Variants in PCDHGB7 observed in about 807,000 individuals in gnomAD.
PCDHGB7 encodes the protein protocadherin gamma subfamily B, 7.
A neutral mutation model predicts 61.4 loss-of-function variants in PCDHGB7; 37 were observed. The ratio of observed to expected loss-of-function variants is 0.60; its 90% confidence interval spans 0.46 to 0.79. The LOEUF is 0.79. Among genes scored for constraint, PCDHGB7 ranks in the 30% least tolerant of loss-of-function variants. PCDHGB7 has a pLI of 0.00. For missense variants in PCDHGB7, 1,166 were observed against 1,202.5 expected (o/e 0.97, Z 0.45); for synonymous variants, 464 against 503.5 (o/e 0.92, Z 1.05).
intron 1 of PCDHGB7, among the ~76,000 whole-genome samples, chr5:141,463,191 C>T (rs2099054821): frequency 6.6e-6 from 1 of 152,100 alleles, no homozygotes; most frequent in Non-Finnish European, 1.5e-5. Flanking sequence ...TATTATTTAG[C>T]CAAAGACTTG....
intron 1 of PCDHGB7, among the ~76,000 whole-genome samples, chr5:141,447,450 C>G (rs540357899): frequency 1.3e-5 from 2 of 152,082 alleles, no homozygotes; most frequent in African/African-American, 2.4e-5. Context: ...AATTTTTAAC[C>G]TCAGTTTTTC....
Position 141,431,614 on chromosome 5 carries a change from C to G in PCDHGB7, c.2415+11340C>G. ...TGAGGTATTCCTTCCGGTATGTGGACGACAAGGCGGCCCAAGTTTTCAAAC... is the reference window on the plus strand; with the variant it reads ...TGAGGTATTCCTTCCGGTATGTGGAGGACAAGGCGGCCCAAGTTTTCAAAC... On this transcript the variant is annotated intron_variant, in intron 1 of 3. Coordinates refer to ENST00000398594, the MANE Select transcript of PCDHGB7 (RefSeq NM_018927.4). This position sits in a 1 kb window ranked among gnomAD's most constrained non-coding sequence, Gnocchi z 4.8. 6.2e-7 allele frequency: 1 copy of G among 1,614,206 alleles called. No homozygotes were observed. The highest frequency in any genetic ancestry group is 1.1e-5 in the South Asian group (1 of 91,092).
At position 141,489,505 on chromosome 5, in the gene PCDHGB7, A is replaced by G. The variant is rs1198371307; in HGVS notation, c.2416-5302A>G. On this transcript the variant is annotated intron_variant, in intron 1 of 3. Transcript: ENST00000398594. The surrounding 1 kb of genome is among the most constrained non-coding windows in gnomAD (Gnocchi z 4.5). ...GAGTGGTGCCCTGGCAGTGAATCAA[A>G]AGATTGACCGAGAAAGCCTATGTGG... The G allele has an allele frequency of 1.9e-6, 3 of 1,613,972 alleles. No homozygotes were observed. The Admixed American group carries it at 5.0e-5, about 27-fold the overall frequency.
rs199625514 is a variant in PCDHGB7 at position 141,485,144 on chromosome 5, G to C, written c.2416-9663G>C. The C allele has an allele frequency of 6.4e-7, 1 of 1,564,190 alleles. No homozygotes were observed. Among genetic ancestry groups the C allele is most frequent in the African/African-American group, 1.4e-5 (1 of 74,034 alleles). ...CGGGTCGGCTTCATCCGCGTCTCAG[G>C]AGCAAGTAGAGAATTAGCGGGCGGC... On this transcript the variant is annotated intron_variant, in intron 1 of 3. Coordinates refer to ENST00000398594, the MANE Select transcript of PCDHGB7 (RefSeq NM_018927.4). The surrounding 1 kb of genome is among the most constrained non-coding windows in gnomAD (Gnocchi z 5.7).
intron 2 of PCDHGB7, among the ~76,000 whole-genome samples, chr5:141,498,792 G>A (rs1217057199): frequency 2.6e-5 from 4 of 152,086 alleles, no homozygotes; most frequent in Admixed American, 2.6e-4. Context: ...TATTAGCCAG[G>A]TGTGGTGGTG....
chr5:141,510,239 C>T (rs2099880022), intron 3 of PCDHGB7, among the ~76,000 whole-genome samples: 1 of 150,434 alleles, frequency 6.6e-6, no homozygotes, highest in Non-Finnish European at 1.5e-5. Flanking sequence ...CGCCACTGCA[C>T]TCCAGGCTGG....
chr5:141,452,533 A>G lies in PCDHGB7; in HGVS notation c.2415+32259A>G, dbSNP rs562306062. ...CACACTCCCTCAAAATCGTGAGTTC[A>G]TATTGATACCTCCAGTTCTGGTTCT... On this transcript the variant is annotated intron_variant, in intron 1 of 3. Transcript: ENST00000398594. Among the ~76,000 whole-genome samples the G allele has an allele frequency of 2.0e-5, 3 of 152,328 alleles. No individual in the cohort carries two copies. The East Asian group carries it at 5.8e-4, about 29-fold the overall frequency.
At position 141,477,272 on chromosome 5, in the gene PCDHGB7, C is replaced by G. The variant is rs2099408579; in HGVS notation, c.2416-17535C>G. The G allele has an allele frequency of 1.2e-6, 2 of 1,614,090 alleles. No homozygotes were observed. The highest frequency in any genetic ancestry group is 1.7e-6 in the Non-Finnish European group (2 of 1,180,048). Reference sequence around the variant, plus strand: ...TGACCTGGATGCTGGCGAGAACGGGCTGGTGACCTGCGAAGTTCCACCGGG... The same window carrying G: ...TGACCTGGATGCTGGCGAGAACGGGGTGGTGACCTGCGAAGTTCCACCGGG... On this transcript the variant is annotated intron_variant, in intron 1 of 3. Coordinates refer to ENST00000398594, the MANE Select transcript of PCDHGB7 (RefSeq NM_018927.4). This position sits in a 1 kb window ranked among gnomAD's most constrained non-coding sequence, Gnocchi z 4.9.
chr5:141,450,733 C>T (rs886761152), intron 1 of PCDHGB7, among the ~76,000 whole-genome samples: 24 of 152,198 alleles, frequency 1.6e-4, no homozygotes, highest in African/African-American at 5.3e-4. Context: ...GTGATCCGCC[C>T]GCCTTGGCCT....
chr5:141,494,781 C>T, intron 1 of PCDHGB7, 26 bp from the exon 2 acceptor site: 1 of 1,614,074 alleles, frequency 6.2e-7, no homozygotes, highest in African/African-American at 1.3e-5. Flanking sequence ...GGGTACTCAG[C>T]CCCTTTCCCT....
In PCDHGB7 at chr5:141,490,795, C is replaced by A; in HGVS notation, c.2416-4012C>A. The A allele has an allele frequency of 1.3e-5, 21 of 1,614,036 alleles. No homozygotes were observed. Among genetic ancestry groups the A allele is most frequent in the Non-Finnish European group, 1.8e-5 (21 of 1,179,922 alleles). On this transcript the variant is annotated intron_variant, in intron 1 of 3. Coordinates refer to ENST00000398594, the MANE Select transcript of PCDHGB7 (RefSeq NM_018927.4). This position sits in a 1 kb window ranked among gnomAD's most constrained non-coding sequence, Gnocchi z 5.4. ...CCCAGAGGATGGACGGATCTTTGCC[C>A]AGCGTACCTTTGACTATGAATTGCT...
chr5:141,434,027 G>A (rs887125944), intron 1 of PCDHGB7, among the ~76,000 whole-genome samples: 3 of 152,130 alleles, frequency 2.0e-5, no homozygotes, highest in Non-Finnish European at 2.9e-5. Flanking sequence ...GATTCTGGAA[G>A]CATGGTTTTC....
At chr5:141,451,832 G>A (rs1190124133) in intron 1 of PCDHGB7, among the ~76,000 whole-genome samples, 1 of 150,948 alleles carries the variant, frequency 6.6e-6, no homozygotes, top group Non-Finnish European at 1.5e-5. Context: ...AGTGAGCCGA[G>A]ATCACACCAC....
chr5:141,448,565 AT>A (rs2098595794), intron 1 of PCDHGB7, among the ~76,000 whole-genome samples: 1 of 152,070 alleles, frequency 6.6e-6, no homozygotes, highest in Non-Finnish European at 1.5e-5. Flanking sequence ...ATATATTTTT[AT>A]TTCCCCATTT....
rs118080774 is a variant in PCDHGB7, at chr5:141,422,026, G to A, written c.2415+1752G>A. On this transcript the variant is annotated intron_variant, in intron 1 of 3. Coordinates refer to ENST00000398594, the MANE Select transcript of PCDHGB7 (RefSeq NM_018927.4). ...CGGAACTCGGGTGCTGATGGTTAAT[G>A]CAACGGATCCAGACGAGGGAATCAA... 69 of 1,611,394 alleles carry A rather than the reference G, an allele frequency of 4.3e-5. No individual in the cohort carries two copies. The East Asian group carries it at 1.4e-3, about 32-fold the overall frequency.
chr5:141,433,328 G>C, intron 1 of PCDHGB7: 1 of 724,580 alleles, frequency 1.4e-6, no homozygotes, highest in Non-Finnish European at 2.3e-6. Context: ...GGTGTAACAG[G>C]GACTACAGGT....
At chr5:141,434,698 A>G (rs2097710714) in intron 1 of PCDHGB7, among the ~76,000 whole-genome samples, 1 of 152,070 alleles carries the variant, frequency 6.6e-6, no homozygotes, top group South Asian at 2.1e-4. Context: ...GTTAATAAAT[A>G]TGTGGGTAAA....
At chr5:141,460,536 G>T (rs911670681) in intron 1 of PCDHGB7, among the ~76,000 whole-genome samples, 1 of 152,092 alleles carries the variant, frequency 6.6e-6, no homozygotes, top group African/African-American at 2.4e-5. Context: ...AATAATCTTA[G>T]CACCTTAATC....
intron 3 of PCDHGB7, 56 bp from the exon 4 acceptor site, chr5:141,510,891 G>A (rs945706652): frequency 8.7e-6 from 14 of 1,612,762 alleles, no homozygotes; most frequent in Middle Eastern, 1.6e-4. Flanking sequence ...ATATAAGACA[G>A]TGACTGTTGA....
Sources: allele counts gnomAD v4.1 joint callset (sites outside exome capture counted in the v4.1 genomes callset), GRCh38; gene constraint gnomAD v4.1.1; non-coding constraint Gnocchi (gnomAD v3.1); transcripts MANE v1.5; gene names NCBI Gene and HGNC (gene_info 2026-07-23, HGNC 2026-07-21).